PCSK5: variants seen among roughly 807,000 people sequenced by gnomAD.
The protein encoded by PCSK5 is prohormone convertase 5.
Under a neutral mutation model 233.2 loss-of-function variants are expected in PCSK5, and 129 were observed. The ratio of observed to expected loss-of-function variants is 0.55; its 90% CI spans 0.48 to 0.64. PCSK5 has a LOEUF of 0.64. Ranked by LOEUF, PCSK5 falls within the 30% of genes least tolerant of loss-of-function variation. PCSK5 has a pLI of 0.00. For synonymous variants in PCSK5, 825 were observed against 879.2 expected, an observed-to-expected ratio of 0.94 and a Z score of 1.09; for missense variants, 2,076 against 2,430.1, an observed-to-expected ratio of 0.85 and a Z score of 3.06.
intron 2 of PCSK5, among the ~76,000 whole-genome samples, chr9:75,949,011 A>G (rs1157648417): frequency 6.6e-6 from 1 of 151,506 alleles, no homozygotes; most frequent in Admixed American, 6.6e-5. Context: ...AAACAAAACC[A>G]AAAAACTACT....
At chr9:76,200,288 T>A (rs546377715) in intron 20 of PCSK5, among the ~76,000 whole-genome samples, 5 of 152,226 alleles carry the variant, frequency 3.3e-5, no homozygotes, top group Non-Finnish European at 7.3e-5. Context: ...TTTCTTTTCA[T>A]CCTTCAAACA....
intron 20 of PCSK5, among the ~76,000 whole-genome samples, chr9:76,210,742 G>A (rs532106812): frequency 6.6e-6 from 1 of 152,208 alleles, no homozygotes; most frequent in Non-Finnish European, 1.5e-5. Context: ...GGCGTGGGGG[G>A]TGGAGAATAT....
intron 8 of PCSK5, among the ~76,000 whole-genome samples, chr9:76,096,525 G>A (rs1831520928): frequency 1.3e-5 from 2 of 151,706 alleles, no homozygotes; most frequent in Non-Finnish European, 2.9e-5. Context: ...AAAAACAAAA[G>A]TGTATAAGGA....
intron 24 of PCSK5, among the ~76,000 whole-genome samples, chr9:76,254,168 T>C (rs1826903681): frequency 6.6e-6 from 1 of 152,182 alleles, no homozygotes; most frequent in South Asian, 2.1e-4. Flanking sequence ...AGTTACATGA[T>C]TACGCCTGGG....
chr9:76,207,026 T>G (rs1370426471), intron 20 of PCSK5, among the ~76,000 whole-genome samples: 1 of 152,104 alleles, frequency 6.6e-6, no homozygotes, highest in Non-Finnish European at 1.5e-5. Context: ...GACCCCTTCC[T>G]CCATCTTCAA....
At chr9:76,136,659 G>A (rs1822994636) in intron 10 of PCSK5, among the ~76,000 whole-genome samples, 1 of 151,986 alleles carries the variant, frequency 6.6e-6, no homozygotes, top group East Asian at 1.9e-4. Context: ...GAAAACTCCT[G>A]TTCTTCCTTG....
At position 76,284,058 on chromosome 9, in the gene PCSK5, T is replaced by C. The variant is rs952366583; in HGVS notation, c.3143-8175T>C. ...AGCTCAGATGTAGCATTTGGTTAGG[T>C]GTGGCCTGGGTCACTGGTCTCCAGA... On this transcript the variant is annotated intron_variant, in intron 24 of 37. Coordinates refer to ENST00000674117, the MANE Select transcript of PCSK5 (RefSeq NM_001372043.1). Among the ~76,000 whole-genome samples the C allele has an allele frequency of 2.6e-5, 4 of 152,012 alleles. No individual in the cohort carries two copies. The East Asian group carries it at 7.7e-4, about 29-fold the overall frequency.
At chr9:75,905,475 C>T (rs1354676933) in intron 1 of PCSK5, among the ~76,000 whole-genome samples, 2 of 152,214 alleles carry the variant, frequency 1.3e-5, no homozygotes, top group African/African-American at 4.8e-5. Flanking sequence ...CGTAATGGTG[C>T]CACTGCATTC....
chr9:76,014,020 C>G (rs1295511695), intron 3 of PCSK5, among the ~76,000 whole-genome samples: 1 of 151,266 alleles, frequency 6.6e-6, no homozygotes, highest in Non-Finnish European at 1.5e-5. Context: ...CCAAGCCACA[C>G]CACATTCTAC....
At position 75,891,316 on chromosome 9, in the gene PCSK5, G is replaced by A. The variant is rs140882057; in HGVS notation, c.135G>A (p.Gly45=). The A allele has an allele frequency of 1.9e-4, 291 of 1,559,896 alleles. 1 individual carries two copies. The African/African-American group carries it at 3.7e-3, about 20-fold the overall frequency. Residue 45 remains glycine (G), a synonymous_variant, in exon 1 of 38, where the codon GGG becomes GGA. Coordinates refer to ENST00000674117, the MANE Select transcript of PCSK5 (RefSeq NM_001372043.1). ...ACCACTGGGCAGTCAAAATCGCCGGGGGCTTCCCGGAGGCCAACCGTATCG... is the reference window on the plus strand; with the variant it reads ...ACCACTGGGCAGTCAAAATCGCCGGAGGCTTCCCGGAGGCCAACCGTATCG... ...YTNHWAVKIA[G]GFPEANRIAS...
chr9:76,185,197 A>G (rs1190086657), intron 17 of PCSK5, among the ~76,000 whole-genome samples: 1 of 152,200 alleles, frequency 6.6e-6, no homozygotes, highest in East Asian at 1.9e-4. Flanking sequence ...TATCTTAAGT[A>G]TCTCAGGCTT....
chr9:76,136,522 C>T (rs952098681), intron 10 of PCSK5, among the ~76,000 whole-genome samples: 1 of 152,168 alleles, frequency 6.6e-6, no homozygotes, highest in Middle Eastern at 3.4e-3. Context: ...TCCATAGTCA[C>T]GTATTTCTCC....
intron 7 of PCSK5, among the ~76,000 whole-genome samples, chr9:76,073,290 T>C (rs1429623103): frequency 6.6e-6 from 1 of 152,212 alleles, no homozygotes. Flanking sequence ...TTCTAATTAT[T>C]CAGAAATAGA....
intron 24 of PCSK5, among the ~76,000 whole-genome samples, chr9:76,240,975 A>T (rs548963902): frequency 1.3e-4 from 20 of 152,352 alleles, no homozygotes; most frequent in African/African-American, 4.6e-4. Context: ...ACTGACCAGC[A>T]ACCGCATTTC....
intron 2 of PCSK5, among the ~76,000 whole-genome samples, chr9:75,979,942 A>G (rs571257827): frequency 2.0e-5 from 3 of 152,342 alleles, no homozygotes; most frequent in African/African-American, 7.2e-5. Context: ...TGCCTCCCAC[A>G]TAGGAGCTAC....
At chr9:76,330,324 A>G (rs1338804206) in intron 33 of PCSK5, among the ~76,000 whole-genome samples, 8 of 152,200 alleles carry the variant, frequency 5.3e-5, no homozygotes, top group Admixed American at 5.2e-4. Context: ...AAAGAAAATG[A>G]AACAAAACTT....
intron 30 of PCSK5, among the ~76,000 whole-genome samples, chr9:76,320,677 C>T (rs10118226): frequency 0.35 from 52,257 of 150,714 alleles, 9,446 homozygotes; most frequent in African/African-American, 0.43. Flanking sequence ...TTTTGCCATG[C>T]TGGCCAAGCC....
chr9:76,077,488 G>A (rs1173880777), intron 7 of PCSK5, among the ~76,000 whole-genome samples: 1 of 152,126 alleles, frequency 6.6e-6, no homozygotes, highest in Non-Finnish European at 1.5e-5. Flanking sequence ...TAAATTGTGT[G>A]ATGCTGAGGC....
intron 20 of PCSK5, among the ~76,000 whole-genome samples, chr9:76,209,922 G>A (rs934194929): frequency 6.6e-6 from 1 of 152,168 alleles, no homozygotes; most frequent in African/African-American, 2.4e-5. Flanking sequence ...CACAGAGGAG[G>A]CTACTTTGAG....
Sources: gnomAD v4.1 joint callset for allele counts (sites outside exome capture counted in the v4.1 genomes callset) on GRCh38, gnomAD v4.1.1 for gene constraint, MANE v1.5 for transcripts, NCBI Gene and HGNC (gene_info 2026-07-23, HGNC 2026-07-21) for gene names.